FNDC1: variants seen among roughly 807,000 people sequenced by gnomAD.
FNDC1 encodes fibronectin type III domain containing 1, also known as fibronectin type III domain-containing protein 1.
FNDC1 carries 96 observed loss-of-function variants against 168.0 expected under a neutral mutation model. The ratio of observed to expected loss-of-function variants is 0.57; its 90% CI spans 0.48 to 0.68. FNDC1 has a LOEUF of 0.68. Among genes scored for constraint, FNDC1 ranks in the 30% least tolerant of loss-of-function variants. The probability of loss-of-function intolerance (pLI) is 0.00; values close to 1 mark genes in which losing one functional copy is unlikely to be tolerated. For missense variants in FNDC1, 2,587 were observed against 2,482.1 expected (o/e 1.04, Z -0.90); for synonymous variants, 1,099 against 1,025.9 (o/e 1.07, Z -1.36).
In FNDC1 at chr6:159,239,781, C is replaced by T. The variant is rs373386888; in HGVS notation, c.4445C>T (p.Thr1482Met). The T allele has an allele frequency of 3.8e-5, 59 of 1,540,848 alleles. No homozygotes were observed. In the African/African-American group the frequency reaches 4.8e-4, roughly 13 times the overall value. The change falls in exon 14 of 23, where the codon ACG (threonine) becomes ATG (methionine). Residue 1482 changes from threonine to methionine, a missense_variant. By Grantham distance (81) the Thr-to-Met change is moderately conservative. Transcript: ENST00000297267. ...TTRRTTTTRR[T>M]TTRRPTTTVR... ...CGCCGCACGACCACCACCCGCCGCA[C>T]GACCACCAGGCGTCCAACAACCACA...
At chr6:159,212,410 C>A (rs901298354) in intron 4 of FNDC1, among the ~76,000 whole-genome samples, 1 of 152,104 alleles carries the variant, frequency 6.6e-6, no homozygotes, top group Non-Finnish European at 1.5e-5. Flanking sequence ...TGAATTTGAA[C>A]CATATGGCTA....
chr6:159,239,655 T>G lies in FNDC1; in HGVS notation c.4319T>G (p.Ile1440Ser). 6.4e-7 allele frequency: 1 copy of G among 1,552,442 alleles called. No individual in the cohort carries two copies. The highest frequency in any genetic ancestry group is 8.7e-7 in the Non-Finnish European group (1 of 1,147,404). Residue 1440 changes from isoleucine to serine, a missense_variant, in exon 14 of 23, where the codon ATC becomes AGC. Physicochemically the swap from Ile to Ser is moderately radical, Grantham distance 142. Transcript: ENST00000297267. ...AAGCCGCTGGTGGGCTTGGAGGTCA[T>G]CAAAAAAACCACCCATCCCCCTACC... ...GGKPLVGLEV[I>S]KKTTHPPTTT...
At chr6:159,190,354 C>T (rs561949400) in intron 1 of FNDC1, among the ~76,000 whole-genome samples, 1 of 152,356 alleles carries the variant, frequency 6.6e-6, no homozygotes, top group East Asian at 1.9e-4. Flanking sequence ...ACAGCCTGGT[C>T]GGCCTTCTTT....
At chr6:159,241,885 A>G (rs955991474) in intron 14 of FNDC1, among the ~76,000 whole-genome samples, 2 of 152,200 alleles carry the variant, frequency 1.3e-5, no homozygotes, top group African/African-American at 2.4e-5. Flanking sequence ...AGACACATCC[A>G]TCACCTCCCA....
intron 6 of FNDC1, 112 bp downstream of exon 6, chr6:159,221,808 G>A (rs1782831141): frequency 1.1e-6 from 1 of 876,808 alleles, no homozygotes; most frequent in African/African-American, 1.7e-5. Context: ...GAGGCTAAAA[G>A]AAATAACAGG....
intron 1 of FNDC1, among the ~76,000 whole-genome samples, chr6:159,190,420 G>A (rs1782110511): frequency 6.6e-6 from 1 of 152,214 alleles, no homozygotes. Flanking sequence ...TCTCCTCTCA[G>A]GTCTGCCTTC....
chr6:159,268,991 TATCCATCCATCC>T (rs199923245), intron 22 of FNDC1, among the ~76,000 whole-genome samples: 12 of 130,458 alleles, frequency 9.2e-5, no homozygotes, highest in African/African-American at 2.0e-4. Context: ...TGTATCTATT[TATCCATCCATCC>T]ATCCATCCAT....
At chr6:159,266,835 G>A (rs899058683) in intron 21 of FNDC1, among the ~76,000 whole-genome samples, 1 of 152,032 alleles carries the variant, frequency 6.6e-6, no homozygotes, top group Non-Finnish European at 1.5e-5. Context: ...AGTAATATTT[G>A]TTCTGTGTCC....
At chr6:159,240,564 T>C (rs1470467024) in intron 14 of FNDC1, among the ~76,000 whole-genome samples, 1 of 152,208 alleles carries the variant, frequency 6.6e-6, no homozygotes, top group Non-Finnish European at 1.5e-5. Context: ...CTGGGCTTCC[T>C]GTGGGAGTGT....
Position 159,269,156 on chromosome 6 carries a change from CTATGTATG to C in FNDC1, c.5569+1250_5569+1257del, listed in dbSNP as rs376690309. On this transcript the variant is annotated intron_variant, in intron 22 of 22. Transcript: ENST00000297267. ...TCCATCCATCTATCTATCCATCTGTCTATGTATGTATGTATGTATGTATGTATCCATCC... is the reference window on the plus strand; with the variant it reads ...TCCATCCATCTATCTATCCATCTGTCTATGTATGTATGTATGTATCCATCC... Among the ~76,000 whole-genome samples the C allele has an allele frequency of 4.3e-4, 61 of 142,748 alleles. No homozygotes were observed. In the East Asian group the frequency reaches 7.3e-3, roughly 17 times the overall value. The allele number at this position is 142,748 out of a possible 152,430, so 93.6% of individuals were successfully genotyped here.
intron 4 of FNDC1, 52 bp downstream of exon 4, chr6:159,200,633 C>A: frequency 7.0e-7 from 1 of 1,422,226 alleles, no homozygotes; most frequent in Non-Finnish European, 9.7e-7. Context: ...AGCATCGTCT[C>A]GCAAGAGAGT....
chr6:159,198,197 G>C (rs1008253162), intron 2 of FNDC1, among the ~76,000 whole-genome samples: 6 of 152,170 alleles, frequency 3.9e-5, no homozygotes, highest in Non-Finnish European at 8.8e-5. Context: ...CTTAGGCTTC[G>C]AGCTGCCTCT....
chr6:159,269,593 GTCTGTCTA>G (rs1436563877), intron 22 of FNDC1, among the ~76,000 whole-genome samples: 3,125 of 121,894 alleles, frequency 0.026, 39 homozygotes, highest in East Asian at 0.05. Flanking sequence ...CTGTCTGTCT[GTCTGTCTA>G]TCTATCTATC....
chr6:159,234,374 G>T lies in FNDC1; in HGVS notation c.3862G>T (p.Gly1288Cys), dbSNP rs1562302097. ...WPQYTTRAPP[G>C]HFSTTPMLSL... ...GCAGTACACCACGCGCGCCCCACCT[G>T]GCCACTTCTCCACCACCCCGATGCT... Residue 1288 changes from glycine (G) to cysteine (C), a missense_variant, in exon 11 of 23, where the codon GGC becomes TGC. Coordinates refer to ENST00000297267, the MANE Select transcript of FNDC1 (RefSeq NM_032532.3). 2.5e-6 allele frequency: 4 copies of T among 1,612,930 alleles called. No homozygotes were observed. The highest frequency in any genetic ancestry group is 2.2e-5 in the East Asian group (1 of 44,866).
At chr6:159,261,384 T>C in intron 19 of FNDC1, 115 bp downstream of exon 19, 1 of 690,634 alleles carries the variant, frequency 1.4e-6, no homozygotes, top group Non-Finnish European at 2.4e-6. Context: ...TGAGCTCATG[T>C]TGGATATCAG....
At chr6:159,223,788 C>A in intron 7 of FNDC1, 143 bp downstream of exon 7, 1 of 601,946 alleles carries the variant, frequency 1.7e-6, no homozygotes, top group Non-Finnish European at 3.0e-6. Context: ...GGTAAATATT[C>A]TATGACAATC....
At chr6:159,258,934 A>C (rs1777425145) in intron 18 of FNDC1, among the ~76,000 whole-genome samples, 1 of 152,240 alleles carries the variant, frequency 6.6e-6, no homozygotes, top group African/African-American at 2.4e-5. Flanking sequence ...AAGAGGGGCC[A>C]GGGCATAAAA....
At chr6:159,215,222 TTC>T in intron 5 of FNDC1, 71 bp downstream of exon 5, 1 of 1,352,954 alleles carries the variant, frequency 7.4e-7, no homozygotes, top group Non-Finnish European at 1.1e-6. Flanking sequence ...TAGAAGCTCA[TTC>T]ATGACAGAGC....
rs567210398 is a variant in FNDC1, at chr6:159,233,516, C to G, written c.3004C>G (p.Pro1002Ala). 11 of 1,601,886 alleles carry G rather than the reference C, an allele frequency of 6.9e-6. No individual in the cohort carries two copies. The Middle Eastern group carries it at 5.0e-4, about 72-fold the overall frequency. Residue 1002 changes from proline to alanine, a missense_variant, in exon 11 of 23, where the codon CCA (proline) becomes GCA (alanine). Pro to Ala is a conservative substitution (Grantham distance 27). Transcript: ENST00000297267. This position sits in a 1 kb window ranked among gnomAD's most constrained non-coding sequence, Gnocchi z 4.6. ...CAGAAGGATGACACCCGGCCGGGCC[C>G]CACAACAGCAGCCCCCTCCTCCCGT... Reference protein sequence around the residue: ...VPRRMTPGRAPQQQPPPPVAT... With the variant: ...VPRRMTPGRAAQQQPPPPVAT...
Sources: allele counts gnomAD v4.1 joint callset (sites outside exome capture counted in the v4.1 genomes callset), GRCh38; gene constraint gnomAD v4.1.1; non-coding constraint Gnocchi (gnomAD v3.1); transcripts MANE v1.5; gene names NCBI Gene and HGNC (gene_info 2026-07-23, HGNC 2026-07-21).